MEGF11: variants seen among roughly 807,000 people sequenced by gnomAD.
MEGF11 encodes multiple EGF like domains 11.
A neutral mutation model predicts 146.6 loss-of-function variants in MEGF11; 126 were observed. That is an observed-to-expected ratio of 0.86 (90% CI 0.74 to 1.00). The LOEUF is 1.00. Among genes scored for constraint, MEGF11 ranks in the 50% least tolerant of loss-of-function variants. The probability of loss-of-function intolerance (pLI) is 0.00; values close to 1 mark genes in which losing one functional copy is unlikely to be tolerated. For synonymous variants in MEGF11, 532 were observed against 583.4 expected, an observed-to-expected ratio of 0.91 and a Z score of 1.27; for missense variants, 1,509 against 1,521.2, an observed-to-expected ratio of 0.99 and a Z score of 0.13.
rs565150128 is a variant in MEGF11 at position 65,907,356 on chromosome 15, G to A, written c.2999-1215C>T. Reference sequence around the variant, plus strand: ...GTCACCCAGGCTGGAGTGCAGTGGCGCAATCTCTGTTCACTACAACCTCCA... The same window carrying A: ...GTCACCCAGGCTGGAGTGCAGTGGCACAATCTCTGTTCACTACAACCTCCA... On this transcript the variant is annotated intron_variant, in intron 23 of 25. Transcript: ENST00000395614. Among the ~76,000 whole-genome samples the A allele has an allele frequency of 4.0e-5, 6 of 151,802 alleles. No homozygotes were observed. The East Asian group carries it at 7.7e-4, about 20-fold the overall frequency.
rs71139474 is a variant in MEGF11, at chr15:66,218,979, C to CAAA, written c.-9+34623_-9+34625dup. Among the ~76,000 whole-genome samples, 198 of 86,928 alleles carry CAAA rather than the reference C, an allele frequency of 2.3e-3. 7 individuals are homozygous for CAAA. The East Asian group carries it at 0.037, about 16-fold the overall frequency. 57.0% of individuals were successfully genotyped at this position (86,928 alleles called of 152,430 possible). A position where few individuals can be genotyped will look rare whatever the true frequency, so the allele number is the denominator to read the frequency against. On this transcript the variant is annotated intron_variant, in intron 1 of 25. Coordinates refer to ENST00000395614, the MANE Select transcript of MEGF11 (RefSeq NM_001385028.1). ...ATCAGAACAACTGGATATCCACAGG[C>CAAA]AAAAAAAAAAAAAAAAACCTTAACC...
intron 1 of MEGF11, 26 bp from the exon 2 acceptor site, chr15:66,128,437 C>A (rs535652400): frequency 2.2e-6 from 3 of 1,347,988 alleles, no homozygotes; most frequent in South Asian, 1.7e-5. Context: ...AAGGAGGCTG[C>A]GTCTGTGATC....
At chr15:65,959,169 T>C in intron 9 of MEGF11, among the ~76,000 whole-genome samples, 1 of 152,258 alleles carries the variant, frequency 6.6e-6, no homozygotes, top group East Asian at 1.9e-4. Flanking sequence ...CTCCACTAGG[T>C]TGCAGCTCCG....
At chr15:66,035,064 A>G (rs1320906485) in intron 5 of MEGF11, among the ~76,000 whole-genome samples, 3 of 152,122 alleles carry the variant, frequency 2.0e-5, no homozygotes, top group Admixed American at 6.5e-5. Flanking sequence ...CCTTTTCTTT[A>G]TTAATTACCC....
intron 1 of MEGF11, among the ~76,000 whole-genome samples, chr15:66,197,331 C>T (rs187467145): frequency 1.3e-3 from 195 of 152,272 alleles, no homozygotes; most frequent in African/African-American, 4.2e-3. Flanking sequence ...CTCGGTAGGA[C>T]AGTATGTTCA....
chr15:65,984,441 G>A (rs1337362262), intron 5 of MEGF11, among the ~76,000 whole-genome samples: 3 of 141,604 alleles, frequency 2.1e-5, no homozygotes, highest in African/African-American at 7.9e-5. Context: ...CAAGAGAATT[G>A]CTTGAACCCG....
chr15:66,077,044 T>C (rs2085620121), intron 5 of MEGF11, among the ~76,000 whole-genome samples: 2 of 151,816 alleles, frequency 1.3e-5, no homozygotes, highest in African/African-American at 4.8e-5. Flanking sequence ...CGCTGCAGAG[T>C]GAGTAGATGA....
intron 4 of MEGF11, among the ~76,000 whole-genome samples, chr15:66,114,002 A>G (rs1300403719): frequency 6.6e-6 from 1 of 152,226 alleles, no homozygotes; most frequent in Non-Finnish European, 1.5e-5. Flanking sequence ...AATCTTCTGA[A>G]TCAGAGACTC....
chr15:66,238,272 C>T (rs1214889224), intron 1 of MEGF11, among the ~76,000 whole-genome samples: 1 of 152,176 alleles, frequency 6.6e-6, no homozygotes, highest in African/African-American at 2.4e-5. Flanking sequence ...CCCCAGTCCA[C>T]AGATGCCCCA....
intron 1 of MEGF11, among the ~76,000 whole-genome samples, chr15:66,191,503 G>A (rs921448110): frequency 4.6e-5 from 7 of 152,302 alleles, no homozygotes; most frequent in Admixed American, 3.9e-4. Flanking sequence ...GGTTGCGGGG[G>A]TGTTAAGTCT....
chr15:65,922,295 C>G (rs2079197814), intron 15 of MEGF11, 43 bp downstream of exon 15: 2 of 1,593,714 alleles, frequency 1.3e-6, no homozygotes, highest in African/African-American at 2.7e-5. Context: ...CCTCCCAGAA[C>G]CTCTCACCTC....
chr15:66,092,338 G>C lies in MEGF11; in HGVS notation c.394+2064C>G, dbSNP rs184793053. ...TTCAATGCTGCTGTCCCTCAAACAG[G>C]GTTGGAACCCCTTTTAGAACTTCCC... On this transcript the variant is annotated intron_variant, in intron 5 of 25. Coordinates refer to ENST00000395614, the MANE Select transcript of MEGF11 (RefSeq NM_001385028.1). Among the ~76,000 whole-genome samples the C allele has an allele frequency of 1.0e-3, 152 of 152,246 alleles. 2 individuals carry two copies. The highest frequency in any genetic ancestry group is 3.5e-3 in the African/African-American group (145 of 41,542).
intron 1 of MEGF11, among the ~76,000 whole-genome samples, chr15:66,135,262 T>C (rs1225156547): frequency 2.0e-5 from 3 of 152,174 alleles, no homozygotes; most frequent in Non-Finnish European, 4.4e-5. Context: ...AAAAAGACAA[T>C]GACAGAAAAA....
intron 2 of MEGF11, among the ~76,000 whole-genome samples, chr15:66,128,092 C>T (rs545751639): frequency 3.2e-4 from 48 of 152,300 alleles, no homozygotes; most frequent in Middle Eastern, 3.4e-3. Flanking sequence ...GACAGTGCAT[C>T]GTAACTGAAG....
intron 10 of MEGF11, among the ~76,000 whole-genome samples, chr15:65,932,156 A>T (rs2079601870): frequency 6.6e-6 from 1 of 152,210 alleles, no homozygotes; most frequent in Non-Finnish European, 1.5e-5. Context: ...ACTTCTGCTG[A>T]TCTGGCAGGA....
chr15:66,002,186 C>T (rs1263989602), intron 5 of MEGF11, among the ~76,000 whole-genome samples: 3 of 152,162 alleles, frequency 2.0e-5, no homozygotes, highest in South Asian at 2.1e-4. Context: ...GAGCTCATGG[C>T]GCAAGCTGTC....
At chr15:66,205,830 A>G (rs1459324097) in intron 1 of MEGF11, among the ~76,000 whole-genome samples, 1 of 152,214 alleles carries the variant, frequency 6.6e-6, no homozygotes, top group Non-Finnish European at 1.5e-5. Context: ...AAGTCAATTG[A>G]CACAGAGGTT....
At chr15:66,011,314 C>A (rs2082705165) in intron 5 of MEGF11, among the ~76,000 whole-genome samples, 1 of 152,132 alleles carries the variant, frequency 6.6e-6, no homozygotes. Flanking sequence ...AACCAGGAGG[C>A]CTGGCTCCCT....
At chr15:66,111,564 C>T (rs985772243) in intron 4 of MEGF11, among the ~76,000 whole-genome samples, 1 of 152,196 alleles carries the variant, frequency 6.6e-6, no homozygotes, top group African/African-American at 2.4e-5. Context: ...AGCCACCACC[C>T]CCCACCCCCA....
Sources: gnomAD v4.1 joint callset for allele counts (sites outside exome capture counted in the v4.1 genomes callset) on GRCh38, gnomAD v4.1.1 for gene constraint, MANE v1.5 for transcripts, NCBI Gene and HGNC (gene_info 2026-07-23, HGNC 2026-07-21) for gene names.